The following CDC16 variants were observed in gnomAD, a reference collection of about 807,000 sequenced individuals.
The protein encoded by CDC16 is cell division cycle 16.
Under a neutral mutation model 87.0 loss-of-function variants are expected in CDC16, and 34 were observed. The ratio of observed to expected loss-of-function variants is 0.39; its 90% CI spans 0.30 to 0.52. The LOEUF (loss-of-function observed/expected upper bound fraction) is 0.52. Ranked by LOEUF, CDC16 falls within the 20% of genes least tolerant of loss-of-function variation. The pLI is 0.74. For synonymous variants in CDC16, 263 were observed against 260.6 expected, an observed-to-expected ratio of 1.01 and a Z score of -0.09; for missense variants, 653 against 751.9, an observed-to-expected ratio of 0.87 and a Z score of 1.54.
rs61973461 is a variant in CDC16 at position 114,234,990 on chromosome 13, T to C, written c.-95T>C. ...CGAGTCCTGGGGCGGCGGCGGCGGC[T>C]GCAGGCACGGGCACGGGCACGGGGC... On this transcript the variant is annotated 5_prime_UTR_variant, in exon 1 of 18. Coordinates refer to ENST00000356221, the MANE Select transcript of CDC16 (RefSeq NM_001078645.3). 265,383 of 1,029,126 alleles carry C rather than the reference T, an allele frequency of 0.26. 39,488 individuals carry two copies. The highest frequency in any genetic ancestry group is 0.61 in the African/African-American group (35,706 of 58,628). The allele number at this position is 1,029,126 out of a possible 1,614,324, so 63.7% of individuals were successfully genotyped here.
chr13:114,259,326 T>A lies in CDC16; in HGVS notation c.1251-9T>A. 6.4e-7 allele frequency: 1 copy of A among 1,565,210 alleles called. No homozygotes were observed. Among genetic ancestry groups the A allele is most frequent in the Non-Finnish European group, 8.6e-7 (1 of 1,166,268 alleles). ...GAATAATCTGCAACCTTTTTTCCTT[T>A]CATTTTAGATGGAAAACAGCCGAAA... On this transcript the variant is annotated splice_polypyrimidine_tract_variant and intron_variant, in intron 13 of 17. Coordinates refer to ENST00000356221, the MANE Select transcript of CDC16 (RefSeq NM_001078645.3).
intron 11 of CDC16, among the ~76,000 whole-genome samples, chr13:114,249,599 A>G (rs750487908): frequency 5.4e-4 from 82 of 152,192 alleles, no homozygotes; most frequent in Middle Eastern, 3.2e-3. Context: ...TTAATTATAC[A>G]GTGTTCACTG....
chr13:114,242,563 A>G (rs7324744), intron 6 of CDC16: 85,079 of 313,814 alleles, frequency 0.27, 13,475 homozygotes, highest in African/African-American at 0.51. Context: ...GTGATTCTCA[A>G]CCGTGTTGCT....
At chr13:114,252,106 A>G (rs2082219689) in intron 12 of CDC16, among the ~76,000 whole-genome samples, 1 of 150,968 alleles carries the variant, frequency 6.6e-6, no homozygotes, top group South Asian at 2.1e-4. Flanking sequence ...AGAGCCCTAC[A>G]CTAGCCCTGT....
At chr13:114,246,797 G>T in intron 10 of CDC16, 134 bp from the exon 11 acceptor site, 1 of 663,590 alleles carries the variant, frequency 1.5e-6, no homozygotes, top group Non-Finnish European at 2.7e-6. Flanking sequence ...GACTGTATTA[G>T]AGAAATGTCT....
rs567070602 is a variant in CDC16, at chr13:114,271,101, T to G, written c.1604-1083T>G. On this transcript the variant is annotated intron_variant, in intron 17 of 17. Transcript: ENST00000356221. ...TATGCCCGGCTAATTTTTTGTATTT[T>G]TAGTAGAGACGGGGTTTCACCACAT... is the stretch of plus-strand genomic sequence containing the variant. Among the ~76,000 whole-genome samples, 56 of 151,898 alleles carry G rather than the reference T, an allele frequency of 3.7e-4. 1 individual carries two copies. Among genetic ancestry groups the G allele is most frequent in the African/African-American group, 1.3e-3 (52 of 41,422 alleles).
At position 114,239,415 on chromosome 13, in the gene CDC16, A is replaced by G. The variant is rs1566634997; in HGVS notation, c.306A>G (p.Arg102=). 3.1e-6 allele frequency: 5 copies of G among 1,613,494 alleles called. No homozygotes were observed. Among genetic ancestry groups the G allele is most frequent in the Non-Finnish European group, 4.2e-6 (5 of 1,179,490 alleles). Residue 102 remains arginine (R), a synonymous_variant, in exon 5 of 18, where the codon AGA becomes AGG. Transcript: ENST00000356221. Reference sequence around the variant, plus strand: ...ACATGGAAGAGCCCATCAATAAAAGATTATTTGAAAAATACTTGAAGGACG... The same window carrying G: ...ACATGGAAGAGCCCATCAATAAAAGGTTATTTGAAAAATACTTGAAGGACG... ...VLDMEEPINK[R]LFEKYLKDES... is the part of the protein sequence containing the mutation.
At chr13:114,246,766 C>G (rs1022325917) in intron 10 of CDC16, among the ~76,000 whole-genome samples, 165 bp from the exon 11 acceptor site, 1 of 152,180 alleles carries the variant, frequency 6.6e-6, no homozygotes, top group Non-Finnish European at 1.5e-5. Context: ...AGTGTCTGCC[C>G]TCTTCTCTTG....
At chr13:114,257,596 A>T (rs566337886) in intron 13 of CDC16, among the ~76,000 whole-genome samples, 6 of 152,298 alleles carry the variant, frequency 3.9e-5, no homozygotes, top group African/African-American at 1.4e-4. Flanking sequence ...TTTTGAAACA[A>T]AAGTGTTTTC....
intron 11 of CDC16, 35 bp downstream of exon 11, chr13:114,247,039 G>C (rs1371034325): frequency 7.5e-6 from 10 of 1,341,328 alleles, no homozygotes; most frequent in Non-Finnish European, 1.1e-5. Context: ...TAGTTAACCT[G>C]TAGAATTGAT....
At chr13:114,245,129 A>G (rs957881217) in intron 9 of CDC16, among the ~76,000 whole-genome samples, 160 bp downstream of exon 9, 2 of 152,178 alleles carry the variant, frequency 1.3e-5, no homozygotes, top group Non-Finnish European at 1.5e-5. Context: ...ATGTTTAGGA[A>G]AGTAGCAAAT....
intron 17 of CDC16, among the ~76,000 whole-genome samples, chr13:114,271,538 T>A (rs7323748): frequency 0.64 from 97,801 of 151,888 alleles, 33,739 homozygotes; most frequent in African/African-American, 0.91. Flanking sequence ...GCAGTGGCAC[T>A]ATCTCGGCTC....
chr13:114,260,987 T>C (rs1167905983), intron 14 of CDC16, among the ~76,000 whole-genome samples: 2 of 152,118 alleles, frequency 1.3e-5, no homozygotes, highest in African/African-American at 4.8e-5. Flanking sequence ...CGAATGTAAG[T>C]ACGTAAATTG....
rs1025444384 is a variant in CDC16, at chr13:114,253,410, C to T, written c.1097+2736C>T. On this transcript the variant is annotated intron_variant, in intron 12 of 17. Transcript: ENST00000356221. ...TCCTTTTAAATTTATTGAGGCTGGC[C>T]GGGCGCAGTGGCTCACACCTGTAAT... 5.3e-5 allele frequency among the ~76,000 whole-genome samples: 8 copies of T among 151,612 alleles called. 1 individual carries two copies. Among genetic ancestry groups the T allele is most frequent in the East Asian group, 3.9e-4 (2 of 5,128 alleles).
intron 11 of CDC16, among the ~76,000 whole-genome samples, chr13:114,249,646 C>T (rs2082060088): frequency 6.6e-6 from 1 of 152,282 alleles, no homozygotes; most frequent in Non-Finnish European, 1.5e-5. Flanking sequence ...AGTCCAGTCC[C>T]TGTAACCAGG....
In CDC16 at chr13:114,235,020, T is replaced by C. The variant is rs540239709; in HGVS notation, c.-65T>C. ...GCACGGGCACGGGCACGGGGCGGGG[T>C]GCTTAGGGTGCAGGAGGCGCGCGCC... On this transcript the variant is annotated 5_prime_UTR_variant, in exon 1 of 18. Coordinates refer to ENST00000356221, the MANE Select transcript of CDC16 (RefSeq NM_001078645.3). The C allele has an allele frequency of 4.8e-3, 5,692 of 1,194,778 alleles. 229 individuals are homozygous for C. The African/African-American group carries it at 0.085, about 18-fold the overall frequency. The allele number at this position is 1,194,778 out of a possible 1,614,324, so 74.0% of individuals were successfully genotyped here. A position where few individuals can be genotyped will look rare whatever the true frequency, so the allele number is the denominator to read the frequency against.
intron 3 of CDC16, among the ~76,000 whole-genome samples, chr13:114,238,596 T>G (rs1479044936): frequency 6.6e-6 from 1 of 152,270 alleles, no homozygotes; most frequent in East Asian, 1.9e-4. Flanking sequence ...CAGCAGTTAT[T>G]CACACTCAGT....
rs1325537227 is a variant in CDC16 at position 114,239,335 on chromosome 13, C to G, written c.241-15C>G. On this transcript the variant is annotated splice_polypyrimidine_tract_variant and intron_variant, in intron 4 of 17. Transcript: ENST00000356221. ...AAGTCGTGAGTGATGAGCGGCACTT[C>G]TGTTTTCCACGTAGTATGCTGCAAA... The G allele has an allele frequency of 1.0e-5, 16 of 1,584,242 alleles. 1 individual carries two copies. In the South Asian group the frequency reaches 1.8e-4, roughly 18 times the overall value.
intron 13 of CDC16, among the ~76,000 whole-genome samples, chr13:114,257,943 C>T (rs573484282): frequency 3.2e-4 from 49 of 152,164 alleles, no homozygotes; most frequent in Admixed American, 2.4e-3. Flanking sequence ...CCCACCACCA[C>T]GCCCGGCTAA....
Sources: allele counts gnomAD v4.1 joint callset (sites outside exome capture counted in the v4.1 genomes callset), GRCh38; gene constraint gnomAD v4.1.1; transcripts MANE v1.5; gene names NCBI Gene and HGNC (gene_info 2026-07-23, HGNC 2026-07-21).